Variants in WDFY2 observed in about 807,000 individuals in gnomAD.
WDFY2 encodes WD repeat and FYVE domain-containing protein 2.
A neutral mutation model predicts 56.4 loss-of-function variants in WDFY2; 36 were observed. That is an observed-to-expected ratio of 0.64 (90% CI 0.49 to 0.84). The LOEUF is 0.84. Ranked by LOEUF, WDFY2 falls within the 40% of genes least tolerant of loss-of-function variation. The pLI, the probability that WDFY2 is intolerant of heterozygous loss-of-function variation, is 0.00. For synonymous variants in WDFY2, 176 were observed against 183.7 expected, an observed-to-expected ratio of 0.96 and a Z score of 0.34; for missense variants, 444 against 512.2, an observed-to-expected ratio of 0.87 and a Z score of 1.29.
At chr13:51,722,029 A>G (rs1593450160) in intron 5 of WDFY2, among the ~76,000 whole-genome samples, 1 of 126,688 alleles carries the variant, frequency 7.9e-6, no homozygotes, top group Non-Finnish European at 1.6e-5. Flanking sequence ...CCACACTTAC[A>G]GGGGTTTTGG....
intron 2 of WDFY2, among the ~76,000 whole-genome samples, chr13:51,663,531 G>A (rs1320006990): frequency 6.6e-6 from 1 of 152,128 alleles, no homozygotes; most frequent in East Asian, 1.9e-4. Context: ...GTTAGAAATT[G>A]GCTTTTGTGT....
chr13:51,759,725 T>C lies in WDFY2; in HGVS notation c.1174-15T>C. ...CAATTTTAGTTCATTCTGTATCTTC[T>C]TTTTCTTTTTGCAGTTGTGGGATAT... On this transcript the variant is annotated splice_polypyrimidine_tract_variant and intron_variant, in intron 11 of 11. Transcript: ENST00000298125. 1.9e-6 allele frequency: 3 copies of C among 1,613,914 alleles called. No individual in the cohort carries two copies. The highest frequency in any genetic ancestry group is 1.7e-5 in the Admixed American group (1 of 60,002).
In WDFY2 at chr13:51,700,171, G is replaced by A. The variant is rs576601529; in HGVS notation, c.280-3425G>A. 1.8e-4 allele frequency among the ~76,000 whole-genome samples: 28 copies of A among 152,276 alleles called. No homozygotes were observed. In the South Asian group the frequency reaches 2.1e-3, roughly 11 times the overall value. On this transcript the variant is annotated intron_variant, in intron 3 of 11. Transcript: ENST00000298125. ...AAGACATGGAGGGATACGCCAGACC[G>A]TTAACATTGGTTGCCTCACAAGGGT...
At chr13:51,681,254 C>T (rs1003950078) in intron 3 of WDFY2, among the ~76,000 whole-genome samples, 1 of 152,180 alleles carries the variant, frequency 6.6e-6, no homozygotes, top group African/African-American at 2.4e-5. Flanking sequence ...AGTAGACTCT[C>T]ACTCATCAGT....
intron 1 of WDFY2, among the ~76,000 whole-genome samples, chr13:51,605,890 A>T (rs1415048316): frequency 6.6e-6 from 1 of 152,194 alleles, no homozygotes; most frequent in Non-Finnish European, 1.5e-5. Context: ...TATTATGATG[A>T]GTTGCTTCCA....
At position 51,584,695 on chromosome 13, in the gene WDFY2, C is replaced by A; in HGVS notation, c.8C>A (p.Ala3Glu). 2 of 1,611,552 alleles carry A rather than the reference C, an allele frequency of 1.2e-6. No individual in the cohort carries two copies. The highest frequency in any genetic ancestry group is 1.7e-6 in the Non-Finnish European group (2 of 1,179,160). ...GGCGCGCCCCCTCCTCCGATGGCGG[C>A]GGAGATCCAGCCCAAGCCTCTGACC... is the stretch of plus-strand genomic sequence containing the variant. The part of the protein sequence containing the change: MA[A>E]EIQPKPLTRK... Residue 3 changes from alanine (A) to glutamate (E), a missense_variant, in exon 1 of 12, where the codon GCG (alanine) becomes GAG (glutamate). Transcript: ENST00000298125.
chr13:51,681,222 A>G (rs965457247), intron 3 of WDFY2, among the ~76,000 whole-genome samples: 2 of 152,130 alleles, frequency 1.3e-5, no homozygotes, highest in Non-Finnish European at 2.9e-5. Flanking sequence ...CACCTTAATC[A>G]GCTTCAAAAC....
intron 7 of WDFY2, among the ~76,000 whole-genome samples, chr13:51,739,702 A>G (rs1327617950): frequency 6.6e-6 from 1 of 152,214 alleles, no homozygotes; most frequent in Non-Finnish European, 1.5e-5. Context: ...GAGGAAGTAC[A>G]GAGAAAGCCT....
In WDFY2 at chr13:51,634,668, A is replaced by G. The variant is rs186180622; in HGVS notation, c.138-25928A>G. Among the ~76,000 whole-genome samples the G allele has an allele frequency of 5.0e-3, 757 of 152,038 alleles. 5 individuals are homozygous for G. The highest frequency in any genetic ancestry group is 0.014 in the African/African-American group (595 of 41,488). ...CTACTAAAAAATGCAAAAATTAGCCAGGTGTGGTGGTGCATGTCTATAAGA... is the reference window on the plus strand; with the variant it reads ...CTACTAAAAAATGCAAAAATTAGCCGGGTGTGGTGGTGCATGTCTATAAGA... On this transcript the variant is annotated intron_variant, in intron 1 of 11. Transcript: ENST00000298125.
intron 2 of WDFY2, among the ~76,000 whole-genome samples, chr13:51,661,201 A>C (rs538469879): frequency 3.9e-5 from 6 of 152,298 alleles, no homozygotes. Context: ...TTCCAAGTAC[A>C]CTTTTAAAAG....
intron 1 of WDFY2, chr13:51,589,347 T>C (rs1458834283): frequency 6.6e-6 from 1 of 152,048 alleles, no homozygotes; most frequent in East Asian, 1.9e-4. Flanking sequence ...GGGGTTGGAT[T>C]TTTTTTCTGC....
chr13:51,586,848 T>TTTATTA (rs796760098), intron 1 of WDFY2: 93 of 152,332 alleles, frequency 6.1e-4, no homozygotes, highest in African/African-American at 2.2e-3. Flanking sequence ...ATATACTTTT[T>TTTATTA]TTCAAGTTGA....
At chr13:51,756,780 G>T in intron 10 of WDFY2, 1 of 425,446 alleles carries the variant, frequency 2.4e-6, no homozygotes, top group South Asian at 9.8e-5. Flanking sequence ...GAGTATAAGG[G>T]CTCAGGATTC....
intron 1 of WDFY2, among the ~76,000 whole-genome samples, chr13:51,598,168 C>T (rs542731847): frequency 5.9e-5 from 9 of 151,788 alleles, no homozygotes; most frequent in Middle Eastern, 3.4e-3. Flanking sequence ...GAGACCAGCC[C>T]GGCCAACATG....
chr13:51,717,242 A>G lies in WDFY2; in HGVS notation c.335-1956A>G, dbSNP rs1311377791. Reference sequence around the variant, plus strand: ...GTATCTTTGAAATTTTTTTTCAATAAAAGAATCTTTTTCACCTTAAACAGA... The same window carrying G: ...GTATCTTTGAAATTTTTTTTCAATAGAAGAATCTTTTTCACCTTAAACAGA... On this transcript the variant is annotated intron_variant, in intron 4 of 11. Coordinates refer to ENST00000298125, the MANE Select transcript of WDFY2 (RefSeq NM_052950.4). 3.3e-5 allele frequency among the ~76,000 whole-genome samples: 5 copies of G among 152,318 alleles called. No individual in the cohort carries two copies. In the East Asian group the frequency reaches 9.6e-4, roughly 29 times the overall value.
intron 7 of WDFY2, among the ~76,000 whole-genome samples, chr13:51,741,583 A>T (rs1306173014): frequency 6.6e-6 from 1 of 152,178 alleles, no homozygotes; most frequent in Non-Finnish European, 1.5e-5. Context: ...CAGGCAGGGA[A>T]CAACTTGCGC....
chr13:51,733,535 G>A (rs1320529259), intron 6 of WDFY2, among the ~76,000 whole-genome samples: 4 of 152,206 alleles, frequency 2.6e-5, no homozygotes, highest in Non-Finnish European at 4.4e-5. Flanking sequence ...TTTAAACAGA[G>A]TAGTGACATG....
At chr13:51,753,962 A>C (rs1019050914) in intron 8 of WDFY2, among the ~76,000 whole-genome samples, 1 of 151,924 alleles carries the variant, frequency 6.6e-6, no homozygotes, top group Non-Finnish European at 1.5e-5. Context: ...GCATGGTTGC[A>C]GACGCCTGTA....
intron 5 of WDFY2, among the ~76,000 whole-genome samples, chr13:51,726,652 T>A (rs539872087): frequency 1.3e-5 from 2 of 152,348 alleles, no homozygotes; most frequent in African/African-American, 4.8e-5. Flanking sequence ...TCTTATCAGT[T>A]AATGGTGGGA....
Sources: allele counts gnomAD v4.1 joint callset (sites outside exome capture counted in the v4.1 genomes callset), GRCh38; gene constraint gnomAD v4.1.1; transcripts MANE v1.5; gene names NCBI Gene and HGNC (gene_info 2026-07-23, HGNC 2026-07-21).